The following LPP variants were observed in gnomAD, a reference collection of about 807,000 sequenced individuals.
LPP encodes the protein LIM domain containing preferred translocation partner in lipoma.
A neutral mutation model predicts 60.4 loss-of-function variants in LPP; 38 were observed. That is an observed-to-expected ratio of 0.63 (90% CI 0.49 to 0.83). LPP has a LOEUF of 0.83. Among genes scored for constraint, LPP ranks in the 40% least tolerant of loss-of-function variants. The probability of loss-of-function intolerance (pLI) is 0.00; values close to 1 mark genes in which losing one functional copy is unlikely to be tolerated. For synonymous variants in LPP, 328 were observed against 290.8 expected, an observed-to-expected ratio of 1.13 and a Z score of -1.30; for missense variants, 902 against 783.6, an observed-to-expected ratio of 1.15 and a Z score of -1.80.
At chr3:188,181,942 G>A (rs947832191) in intron 1 of LPP, among the ~76,000 whole-genome samples, 5 of 152,142 alleles carry the variant, frequency 3.3e-5, no homozygotes, top group Admixed American at 6.5e-5. Context: ...CTTCATCAGC[G>A]TCCTCATAGT....
rs1799236891 is a variant in LPP at position 188,462,544 on chromosome 3, T to TATATATATAAATATATATA, written c.194-22048_194-22047insATATATATAAATATATATA. ...TAAATTTAGCCAATTTATATGAGCT[T>TATATATATAAATATATATA]TATATATATATATATATATATATAT... On this transcript the variant is annotated intron_variant, in intron 4 of 11. Transcript: ENST00000617246. 4.1e-4 allele frequency among the ~76,000 whole-genome samples: 14 copies of TATATATATAAATATATATA among 34,186 alleles called. 1 individual carries two copies. The highest frequency in any genetic ancestry group is 8.3e-4 in the Admixed American group (2 of 2,410). 22.4% of individuals were successfully genotyped at this position (34,186 alleles called of 152,430 possible).
chr3:188,246,799 G>A (rs918362943), intron 2 of LPP, among the ~76,000 whole-genome samples: 1 of 152,138 alleles, frequency 6.6e-6, no homozygotes, highest in Non-Finnish European at 1.5e-5. Context: ...TAGGGAAATG[G>A]AGGCTTAGTC....
intron 1 of LPP, among the ~76,000 whole-genome samples, chr3:188,196,803 T>C (rs1033946769): frequency 6.6e-6 from 1 of 152,206 alleles, no homozygotes; most frequent in Admixed American, 6.5e-5. Context: ...CAAGATGATC[T>C]TGTGCTCTAG....
intron 2 of LPP, among the ~76,000 whole-genome samples, chr3:188,268,731 C>T (rs1259795385): frequency 1.3e-5 from 2 of 152,228 alleles, no homozygotes; most frequent in Admixed American, 1.3e-4. Flanking sequence ...GGATTTGAAG[C>T]TTAGGCTTAC....
intron 9 of LPP, among the ~76,000 whole-genome samples, chr3:188,834,324 G>GTTTTTTTTTTTTTTTTTTTTTTTTGTTT (rs71867135): frequency 8.8e-5 from 3 of 34,078 alleles, no homozygotes; most frequent in Non-Finnish European, 1.5e-4. Context: ...CTTTTTGGGT[G>GTTTTTTTTTTTTTTTTTTTTTTTTGTTT]TTTTTTTTTT....
rs944492673 is a variant in LPP at position 188,888,817 on chromosome 3, A to C, written c.*14338A>C. On this transcript the variant is annotated 3_prime_UTR_variant, in exon 12 of 12. Transcript: ENST00000617246. ...AAGCGGCTACCGTGAAACGGGCTGC[A>C]AACACATTCCCTGAGCATCCCTTGC... 9.0e-6 allele frequency: 2 copies of C among 221,312 alleles called. No individual in the cohort carries two copies. Among genetic ancestry groups the C allele is most frequent in the Admixed American group, 5.8e-5 (1 of 17,388 alleles). The allele number at this position is 221,312 out of a possible 1,614,324, so 13.7% of individuals were successfully genotyped here.
chr3:188,537,574 C>G (rs1300878757), intron 6 of LPP, among the ~76,000 whole-genome samples: 1 of 152,120 alleles, frequency 6.6e-6, no homozygotes, highest in Non-Finnish European at 1.5e-5. Context: ...AATACAAAGT[C>G]TCTGTCGATT....
intron 7 of LPP, among the ~76,000 whole-genome samples, chr3:188,655,249 A>G (rs907363458): frequency 7.9e-5 from 12 of 152,178 alleles, no homozygotes; most frequent in African/African-American, 2.7e-4. Flanking sequence ...TCCATTAACT[A>G]GAAAATAAAA....
At chr3:188,389,648 AGCCTAT>A (rs1461350927) in intron 3 of LPP, among the ~76,000 whole-genome samples, 1 of 151,852 alleles carries the variant, frequency 6.6e-6, no homozygotes, top group African/African-American at 2.4e-5. Flanking sequence ...TGGTGGCAGG[AGCCTAT>A]AATCCTGGCT....
intron 2 of LPP, among the ~76,000 whole-genome samples, chr3:188,304,019 A>G (rs1436557988): frequency 6.6e-6 from 1 of 152,092 alleles, no homozygotes; most frequent in Non-Finnish European, 1.5e-5. Flanking sequence ...ACCCTACTTA[A>G]CTGCCTGTCT....
At chr3:188,841,850 A>G (rs1760100090) in intron 9 of LPP, among the ~76,000 whole-genome samples, 1 of 152,036 alleles carries the variant, frequency 6.6e-6, no homozygotes, top group Non-Finnish European at 1.5e-5. Context: ...CCTTTTGTCT[A>G]TTATTGATGT....
chr3:188,186,328 G>C (rs142919543), intron 1 of LPP, among the ~76,000 whole-genome samples: 85 of 152,316 alleles, frequency 5.6e-4, no homozygotes, highest in African/African-American at 1.9e-3. Context: ...AAAGAGACTT[G>C]AAGGGCACAG....
At chr3:188,804,577 A>C (rs1748503206) in intron 9 of LPP, among the ~76,000 whole-genome samples, 1 of 151,920 alleles carries the variant, frequency 6.6e-6, no homozygotes, top group South Asian at 2.1e-4. Flanking sequence ...CAATATATGC[A>C]TGTGAGAAAT....
chr3:188,301,369 T>G (rs1276346526), intron 2 of LPP, among the ~76,000 whole-genome samples: 3 of 152,216 alleles, frequency 2.0e-5, no homozygotes, highest in Admixed American at 2.0e-4. Context: ...AGCTCGGCCA[T>G]TTTTGTTTCA....
intron 6 of LPP, among the ~76,000 whole-genome samples, chr3:188,526,774 C>G (rs186479782): frequency 6.6e-6 from 1 of 152,240 alleles, no homozygotes; most frequent in East Asian, 1.9e-4. Context: ...CTGAACTCAT[C>G]TGTAGAAGGC....
rs1052814771 is a variant in LPP at position 188,717,696 on chromosome 3, C to T, written c.1240+9303C>T. Among the ~76,000 whole-genome samples the T allele has an allele frequency of 9.4e-4, 143 of 152,144 alleles. 1 individual carries two copies. The highest frequency in any genetic ancestry group is 3.4e-3 in the African/African-American group (142 of 41,506). ...GATATATTTTCTTTTGTGGTAGTGA[C>T]TTCTGGTAATGTTTGTTCAGAGTAG... On this transcript the variant is annotated intron_variant, in intron 8 of 11. Transcript: ENST00000617246.
chr3:188,599,660 GC>G (rs1369421730), intron 6 of LPP, among the ~76,000 whole-genome samples: 1 of 151,836 alleles, frequency 6.6e-6, no homozygotes, highest in Non-Finnish European at 1.5e-5. Context: ...AGAGCACAAG[GC>G]TGTGAAATGA....
At chr3:188,530,815 C>T (rs1821986089) in intron 6 of LPP, among the ~76,000 whole-genome samples, 1 of 152,134 alleles carries the variant, frequency 6.6e-6, no homozygotes, top group Non-Finnish European at 1.5e-5. Flanking sequence ...GACGTTGTAA[C>T]ATCTTTAAGC....
chr3:188,717,591 T>C (rs1315555497), intron 8 of LPP, among the ~76,000 whole-genome samples: 3 of 152,214 alleles, frequency 2.0e-5, no homozygotes, highest in Admixed American at 6.5e-5. Flanking sequence ...GGTTTTTTGG[T>C]TTTGTTTCTC....
Sources: allele counts gnomAD v4.1 joint callset (sites outside exome capture counted in the v4.1 genomes callset), GRCh38; gene constraint gnomAD v4.1.1; transcripts MANE v1.5; gene names NCBI Gene and HGNC (gene_info 2026-07-23, HGNC 2026-07-21).